Variants in TMEM132D observed in about 807,000 individuals in gnomAD.
The protein encoded by TMEM132D is transmembrane protein 132D.
Under a neutral mutation model 62.3 loss-of-function variants are expected in TMEM132D, and 21 were observed. That is an observed-to-expected ratio of 0.34 (90% CI 0.24 to 0.49). The LOEUF is 0.49. Among genes scored for constraint, TMEM132D ranks in the 20% least tolerant of loss-of-function variants. The pLI is 0.99. For missense variants in TMEM132D, 1,346 were observed against 1,402.8 expected, an observed-to-expected ratio of 0.96 and a Z score of 0.65; for synonymous variants, 621 against 575.6, an observed-to-expected ratio of 1.08 and a Z score of -1.13.
chr12:129,690,138 G>A (rs1340066293), intron 2 of TMEM132D, among the ~76,000 whole-genome samples: 3 of 152,150 alleles, frequency 2.0e-5, no homozygotes, highest in Non-Finnish European at 4.4e-5. Context: ...AAGTATTACA[G>A]TGCTACATGA....
intron 2 of TMEM132D, among the ~76,000 whole-genome samples, chr12:129,646,618 ACT>A (rs1296963868): frequency 2.0e-5 from 3 of 152,032 alleles, no homozygotes; most frequent in African/African-American, 7.2e-5. Flanking sequence ...TCTCCACTGA[ACT>A]CTCTATTTCC....
At chr12:129,449,445 A>G (rs1485293207) in intron 3 of TMEM132D, among the ~76,000 whole-genome samples, 1 of 152,172 alleles carries the variant, frequency 6.6e-6, no homozygotes, top group Non-Finnish European at 1.5e-5. Context: ...TAAACCCGCC[A>G]GACTTTCTGA....
intron 3 of TMEM132D, among the ~76,000 whole-genome samples, chr12:129,428,835 T>C (rs1457986288): frequency 6.6e-6 from 1 of 152,152 alleles, no homozygotes; most frequent in East Asian, 1.9e-4. Flanking sequence ...CCAGGGAAAA[T>C]TGCTTCAGCA....
At chr12:129,397,367 A>G (rs1316253793) in intron 3 of TMEM132D, among the ~76,000 whole-genome samples, 1 of 152,138 alleles carries the variant, frequency 6.6e-6, no homozygotes, top group African/African-American at 2.4e-5. Flanking sequence ...ATTAGATTTA[A>G]TTGTGGTCTT....
chr12:129,258,900 T>A (rs567672308), intron 4 of TMEM132D, among the ~76,000 whole-genome samples: 1 of 152,280 alleles, frequency 6.6e-6, no homozygotes, highest in South Asian at 2.1e-4. Flanking sequence ...GTCCAGCTTC[T>A]TAGAAGCCTG....
At chr12:129,299,934 T>C (rs955630162) in intron 4 of TMEM132D, among the ~76,000 whole-genome samples, 5 of 152,240 alleles carry the variant, frequency 3.3e-5, no homozygotes, top group African/African-American at 1.2e-4. Flanking sequence ...AGGACTTCCC[T>C]TGTGCTTTTG....
chr12:129,584,563 C>T (rs1052377049), intron 2 of TMEM132D, among the ~76,000 whole-genome samples: 1 of 152,278 alleles, frequency 6.6e-6, no homozygotes, highest in East Asian at 1.9e-4. Flanking sequence ...GCAAGCCACC[C>T]GGAGACAGGC....
intron 3 of TMEM132D, among the ~76,000 whole-genome samples, chr12:129,420,962 CTT>C (rs770659851): frequency 0.037 from 4,926 of 134,336 alleles, 231 homozygotes; most frequent in African/African-American, 0.13. Context: ...GTAGATCTAC[CTT>C]TTTTTTTTTT....
chr12:129,838,805 T>A (rs1422684498), intron 1 of TMEM132D, among the ~76,000 whole-genome samples: 1 of 152,152 alleles, frequency 6.6e-6, no homozygotes, highest in African/African-American at 2.4e-5. Flanking sequence ...TAATGAGATA[T>A]TCTTTTTTCC....
At chr12:129,875,863 T>C (rs1273086546) in intron 1 of TMEM132D, among the ~76,000 whole-genome samples, 1 of 152,216 alleles carries the variant, frequency 6.6e-6, no homozygotes, top group East Asian at 1.9e-4. Flanking sequence ...CAAAATTCTG[T>C]TGATCAAACA....
chr12:129,692,119 A>T (rs1444307180), intron 2 of TMEM132D, among the ~76,000 whole-genome samples: 1 of 152,146 alleles, frequency 6.6e-6, no homozygotes, highest in African/African-American at 2.4e-5. Flanking sequence ...CCATATGAAG[A>T]CATTCAAGAA....
At chr12:129,275,892 T>C (rs1220576923) in intron 4 of TMEM132D, among the ~76,000 whole-genome samples, 3 of 152,306 alleles carry the variant, frequency 2.0e-5, no homozygotes, top group East Asian at 3.9e-4. Flanking sequence ...CAAGCAAGCC[T>C]AGAGGGCTGT....
chr12:129,328,154 C>T (rs1035659962), intron 4 of TMEM132D, among the ~76,000 whole-genome samples: 2 of 152,156 alleles, frequency 1.3e-5, no homozygotes, highest in Non-Finnish European at 2.9e-5. Flanking sequence ...TGAAAGAGCA[C>T]ATCTCAATGA....
intron 4 of TMEM132D, among the ~76,000 whole-genome samples, chr12:129,285,153 G>T (rs2135613578): frequency 6.6e-6 from 1 of 152,284 alleles, no homozygotes; most frequent in South Asian, 2.1e-4. Context: ...GGCCCTTTGT[G>T]TAGGAAGGAC....
intron 1 of TMEM132D, among the ~76,000 whole-genome samples, chr12:129,702,249 A>T (rs1307518623): frequency 6.6e-6 from 1 of 152,198 alleles, no homozygotes; most frequent in Non-Finnish European, 1.5e-5. Context: ...GAACCATTTG[A>T]GACTGCTTAT....
chr12:129,078,483 T>C (rs768708536), intron 8 of TMEM132D, 51 bp downstream of exon 8: 12 of 1,571,488 alleles, frequency 7.6e-6, no homozygotes, highest in Non-Finnish European at 1.0e-5. Context: ...TGGTGTGTGA[T>C]CCACTTGGTG....
At chr12:129,463,917 T>C (rs926000183) in intron 3 of TMEM132D, among the ~76,000 whole-genome samples, 2 of 150,426 alleles carry the variant, frequency 1.3e-5, no homozygotes, top group African/African-American at 4.9e-5. Context: ...CTATTGTGAA[T>C]AGTGCCGCAA....
At chr12:129,089,904 T>TGAG (rs1384603894) in intron 5 of TMEM132D, among the ~76,000 whole-genome samples, 1 of 152,244 alleles carries the variant, frequency 6.6e-6, no homozygotes, top group Non-Finnish European at 1.5e-5. Context: ...CTGTCTCTCC[T>TGAG]GCCTGAGGGC....
At chr12:129,563,319 C>T (rs935605888) in intron 2 of TMEM132D, among the ~76,000 whole-genome samples, 9 of 152,194 alleles carry the variant, frequency 5.9e-5, no homozygotes, top group African/African-American at 1.9e-4. Flanking sequence ...TTTTAGAAGG[C>T]ATACAGCTTT....
Sources: allele counts gnomAD v4.1 joint callset (sites outside exome capture counted in the v4.1 genomes callset), GRCh38; gene constraint gnomAD v4.1.1; transcripts MANE v1.5; gene names NCBI Gene and HGNC (gene_info 2026-07-23, HGNC 2026-07-21).